The following MRNIP variants were observed in gnomAD, a reference collection of about 807,000 sequenced individuals.
MRNIP encodes the protein MRN complex-interacting protein.
In MRNIP, 30 loss-of-function variants were observed where a neutral mutation model predicts 29.8. The observed-to-expected ratio is 1.01, with a 90% CI of 0.75 to 1.36. The LOEUF (loss-of-function observed/expected upper bound fraction) is 1.36. MRNIP is among the 40% of genes most tolerant of loss of function. The pLI is 0.00. For synonymous variants in MRNIP, 201 were observed against 164.1 expected (o/e 1.23, Z -1.72); for missense variants, 459 against 423.5 (o/e 1.08, Z -0.74).
intron 3 of MRNIP, 77 bp downstream of exon 3, chr5:179,847,901 T>C (rs1561619606): frequency 3.0e-6 from 3 of 998,836 alleles, no homozygotes; most frequent in Non-Finnish European, 4.6e-6. Flanking sequence ...CAGCTCAGGA[T>C]TTCCACTGTG....
rs1758904581 is a variant in MRNIP, at chr5:179,842,058, A to G, written c.298T>C (p.Ser100Pro). The change falls in exon 5 of 7, where the codon TCG (serine) becomes CCG (proline). Residue 100 changes from serine (S) to proline (P), a missense_variant. By Grantham distance (74) the Ser-to-Pro change is moderately conservative. Transcript: ENST00000292586. ...AGCCAGCGACTCTCTGAGGGCTGCG[A>G]TTTTTCCTGCCAGATTGAGAAAAAA... ...QAGNVKQQEK[S>P]QPSESRWLKY... 1 of 1,612,812 alleles carries G rather than the reference A, an allele frequency of 6.2e-7. No individual in the cohort carries two copies. Among genetic ancestry groups the G allele is most frequent in the South Asian group, 1.1e-5 (1 of 90,852 alleles).
At chr5:179,844,465 G>A (rs888877343) in intron 3 of MRNIP, 3 of 448,536 alleles carry the variant, frequency 6.7e-6, no homozygotes, top group Non-Finnish European at 1.2e-5. Flanking sequence ...AAGATTGCTG[G>A]AAGATGGAAT....
intron 3 of MRNIP, among the ~76,000 whole-genome samples, chr5:179,846,386 C>G (rs972749776): frequency 2.6e-5 from 4 of 151,950 alleles, no homozygotes; most frequent in African/African-American, 9.7e-5. Flanking sequence ...CAGATTCAAG[C>G]AATTCTCCAG....
intron 2 of MRNIP, chr5:179,851,281 G>A (rs1230730677): frequency 2.2e-6 from 1 of 456,066 alleles, no homozygotes; most frequent in Non-Finnish European, 4.4e-6. Flanking sequence ...CCCAATCCCA[G>A]TTGACTGGAC....
chr5:179,839,973 T>TC (rs1316129888), intron 6 of MRNIP: 1 of 151,508 alleles, frequency 6.6e-6, no homozygotes, highest in African/African-American at 2.4e-5. Flanking sequence ...AAAAAATTTT[T>TC]TTTTTCTGTT....
intron 1 of MRNIP, among the ~76,000 whole-genome samples, chr5:179,856,235 C>T (rs1759574287): frequency 1.3e-5 from 2 of 151,972 alleles, no homozygotes; most frequent in African/African-American, 4.8e-5. Flanking sequence ...GTTTAGGACT[C>T]ACAGAACCTG....
chr5:179,844,835 T>C (rs1357609408), intron 3 of MRNIP, among the ~76,000 whole-genome samples: 2 of 152,244 alleles, frequency 1.3e-5, no homozygotes, highest in African/African-American at 4.8e-5. Flanking sequence ...AAATTATTAG[T>C]TCTAGTAGCT....
At chr5:179,840,332 C>T (rs1287544902) in intron 6 of MRNIP, 1 of 154,518 alleles carries the variant, frequency 6.5e-6, no homozygotes, top group Non-Finnish European at 1.4e-5. Flanking sequence ...TCACTTGAGC[C>T]TGGGAGGTTG....
Position 179,848,007 on chromosome 5 carries a change from T to A in MRNIP, c.186A>T (p.Leu62=), listed in dbSNP as rs776605948. ...CRRHVQKLNL[L]QGQVSELPLR... is the part of the protein sequence containing the mutation. Reference sequence around the variant, plus strand: ...GTGGCAGCTCTGAAACTTGTCCCTGTAGTAGATTTAACTTTTGGACATGGC... The same window carrying A: ...GTGGCAGCTCTGAAACTTGTCCCTGAAGTAGATTTAACTTTTGGACATGGC... Residue 62 remains leucine (L), a synonymous_variant, in exon 3 of 7, where the codon CTA becomes CTT. Coordinates refer to ENST00000292586, the MANE Select transcript of MRNIP (RefSeq NM_016175.4). The A allele has an allele frequency of 6.2e-7, 1 of 1,613,660 alleles. No homozygotes were observed. Among genetic ancestry groups the A allele is most frequent in the East Asian group, 2.2e-5 (1 of 44,890 alleles).
intron 4 of MRNIP, among the ~76,000 whole-genome samples, chr5:179,843,266 TAATA>T (rs1372599312): frequency 1.3e-5 from 2 of 151,224 alleles, no homozygotes; most frequent in East Asian, 2.0e-4. Context: ...TCTCAAAAAT[TAATA>T]AATAAGAAAT....
rs566837511 is a variant in MRNIP at position 179,855,191 on chromosome 5, C to G, written c.67-1754G>C. Among the ~76,000 whole-genome samples, 4 of 152,214 alleles carry G rather than the reference C, an allele frequency of 2.6e-5. No individual in the cohort carries two copies. In the East Asian group the frequency reaches 7.7e-4, roughly 29 times the overall value. On this transcript the variant is annotated intron_variant, in intron 1 of 6. Transcript: ENST00000292586. ...CGGAGTTTCGCTCTTATTGCCCAGG[C>G]TGGAGTGCAATGGTGAGATCTCGGC...
intron 2 of MRNIP, chr5:179,851,474 A>G (rs1324094061): frequency 2.2e-6 from 1 of 450,238 alleles, no homozygotes; most frequent in Admixed American, 2.4e-5. Flanking sequence ...GTAAAGATAT[A>G]GGGAGAAGCT....
At position 179,858,690 on chromosome 5, in the gene MRNIP, C is replaced by G. The variant is rs1450243682; in HGVS notation, c.66+41G>C. 4 of 1,324,822 alleles carry G rather than the reference C, an allele frequency of 3.0e-6. No homozygotes were observed. In the Admixed American group the frequency reaches 6.9e-5, roughly 23 times the overall value. 82.1% of individuals were successfully genotyped at this position (1,324,822 alleles called of 1,614,324 possible). A position where few individuals can be genotyped will look rare whatever the true frequency, so the allele number is the denominator to read the frequency against. On this transcript the variant is annotated intron_variant, in intron 1 of 6. Transcript: ENST00000292586. ...GCCCCGCCACTCCCCGTCCGCTGTC[C>G]CCGCGCCGGAGGAGGAGGAGGGGGC... is the stretch of plus-strand genomic sequence containing the variant.
At position 179,842,027 on chromosome 5, in the gene MRNIP, T is replaced by TA; in HGVS notation, c.328dup (p.Tyr110LeufsTer39). 6.2e-7 allele frequency: 1 copy of TA among 1,614,144 alleles called. No homozygotes were observed. Among genetic ancestry groups the TA allele is most frequent in the Non-Finnish European group, 8.5e-7 (1 of 1,180,010 alleles). ...CAGTTCTTGGGAGTCCTTTTCTAGA[T>TA]ACTTCAGCCAGCGACTCTCTGAGGG... On this transcript the variant is annotated frameshift_variant, in exon 5 of 7. Transcript: ENST00000292586. LOFTEE classifies it high-confidence loss of function.
intron 5 of MRNIP, chr5:179,841,557 C>G (rs1203449848): frequency 8.4e-6 from 2 of 238,872 alleles, no homozygotes; most frequent in African/African-American, 4.5e-5. Context: ...AAGAAAACTT[C>G]CTTCAAGTCT....
intron 4 of MRNIP, among the ~76,000 whole-genome samples, chr5:179,842,699 C>CAAAAAAAAAAAAAAAAAAAAA (rs58952171): frequency 3.4e-5 from 1 of 28,990 alleles, no homozygotes. Context: ...GACTCCGTCT[C>CAAAAAAAAAAAAAAAAAAAAA]AAAAAAAAAA....
intron 1 of MRNIP, among the ~76,000 whole-genome samples, chr5:179,856,520 A>G (rs1459778221): frequency 6.6e-6 from 1 of 152,136 alleles, no homozygotes; most frequent in Admixed American, 6.5e-5. Flanking sequence ...CCCAGGCTGG[A>G]GTGCAGTGGT....
At chr5:179,841,869 G>GC (rs971232668) in intron 5 of MRNIP, 38 bp downstream of exon 5, 1 of 1,605,206 alleles carries the variant, frequency 6.2e-7, no homozygotes, top group Non-Finnish European at 8.5e-7. Context: ...GGCAGCAGAG[G>GC]CCCTGGGCCA....
chr5:179,840,265 G>A (rs1300012839), intron 6 of MRNIP: 3 of 152,804 alleles, frequency 2.0e-5, no homozygotes, highest in Non-Finnish European at 4.4e-5. Flanking sequence ...TTAAAGATTA[G>A]CCAGTGTGGT....
Sources: allele counts gnomAD v4.1 joint callset (sites outside exome capture counted in the v4.1 genomes callset), GRCh38; gene constraint gnomAD v4.1.1; transcripts MANE v1.5; gene names NCBI Gene and HGNC (gene_info 2026-07-23, HGNC 2026-07-21).